Variants in ZDHHC3 observed in about 807,000 individuals in gnomAD.
The protein encoded by ZDHHC3 is zDHHC palmitoyltransferase 3.
A neutral mutation model predicts 30.6 loss-of-function variants in ZDHHC3; 9 were observed. That is an observed-to-expected ratio of 0.29 (90% CI 0.18 to 0.51). ZDHHC3 has a LOEUF of 0.51. Among genes scored for constraint, ZDHHC3 ranks in the 20% least tolerant of loss-of-function variants. ZDHHC3 has a pLI of 0.97. For synonymous variants in ZDHHC3, 136 were observed against 140.2 expected (o/e 0.97, Z 0.21); for missense variants, 246 against 384.2 (o/e 0.64, Z 3.01).
chr3:44,928,445 A>C (rs1701195195), intron 6 of ZDHHC3, among the ~76,000 whole-genome samples: 1 of 152,118 alleles, frequency 6.6e-6, no homozygotes, highest in Non-Finnish European at 1.5e-5. Context: ...AGAGCCCTAG[A>C]CCACTGGTGA....
At chr3:44,933,793 T>A (rs1701705105) in intron 4 of ZDHHC3, 95 bp downstream of exon 4, 17 of 1,165,772 alleles carry the variant, frequency 1.5e-5, no homozygotes, top group Non-Finnish European at 2.2e-5. Flanking sequence ...GGCAGTATTC[T>A]GAGCAAAGAA....
chr3:44,963,651 C>T (rs1704676070), intron 1 of ZDHHC3, among the ~76,000 whole-genome samples: 1 of 152,166 alleles, frequency 6.6e-6, no homozygotes, highest in Non-Finnish European at 1.5e-5. Context: ...TAGACCTCTG[C>T]CAAGGACCCA....
At chr3:44,956,802 G>A (rs1239167588) in intron 2 of ZDHHC3, among the ~76,000 whole-genome samples, 1 of 152,082 alleles carries the variant, frequency 6.6e-6, no homozygotes, top group Non-Finnish European at 1.5e-5. Flanking sequence ...AACCTCCATT[G>A]CAAGCACAAT....
At position 44,920,113 on chromosome 3, in the gene ZDHHC3, G is replaced by A; in HGVS notation, c.*6576C>T. 1.6e-6 allele frequency: 2 copies of A among 1,222,142 alleles called. No individual in the cohort carries two copies. The highest frequency in any genetic ancestry group is 2.8e-5 in the South Asian group (2 of 71,684). 75.7% of individuals were successfully genotyped at this position (1,222,142 alleles called of 1,614,324 possible). On this transcript the variant is annotated 3_prime_UTR_variant, in exon 7 of 7. Coordinates refer to ENST00000424952, the MANE Select transcript of ZDHHC3 (RefSeq NM_001135179.2). ...CTCACACAATCCAAGTTTTACCAAT[G>A]AGCCAATGTTACTTTTATAATCAGA...
rs553716633 is a variant in ZDHHC3, at chr3:44,920,370, G to A, written c.*6319C>T. On this transcript the variant is annotated 3_prime_UTR_variant, in exon 7 of 7. Transcript: ENST00000424952. Reference sequence around the variant, plus strand: ...GAAAGAGGCTTTAACTTCATAGCACGAGAGCTGGGACATCACCATATGGCA... The same window carrying A: ...GAAAGAGGCTTTAACTTCATAGCACAAGAGCTGGGACATCACCATATGGCA... The A allele has an allele frequency of 3.1e-5, 40 of 1,289,378 alleles. No homozygotes were observed. The Admixed American group carries it at 5.5e-4, about 18-fold the overall frequency. 79.9% of individuals were successfully genotyped at this position (1,289,378 alleles called of 1,614,324 possible). A position where few individuals can be genotyped will look rare whatever the true frequency, so the allele number is the denominator to read the frequency against.
intron 5 of ZDHHC3, among the ~76,000 whole-genome samples, chr3:44,930,046 A>C (rs1197126609): frequency 6.6e-6 from 1 of 152,174 alleles, no homozygotes; most frequent in Non-Finnish European, 1.5e-5. Flanking sequence ...CATTTGCAGC[A>C]CCGAGGCCAA....
Position 44,926,416 on chromosome 3 carries a change from G to A in ZDHHC3, c.*273C>T. 8.5e-7 allele frequency: 1 copy of A among 1,177,606 alleles called. No homozygotes were observed. The highest frequency in any genetic ancestry group is 1.0e-6 in the Non-Finnish European group (1 of 953,058). 72.9% of individuals were successfully genotyped at this position (1,177,606 alleles called of 1,614,324 possible). ...CCCTCTACATTAGTCATGCCAGACA[G>A]ACAGCAGAGAGAAACCAGAGGCCAG... On this transcript the variant is annotated 3_prime_UTR_variant, in exon 7 of 7. Transcript: ENST00000424952.
Position 44,925,053 on chromosome 3 carries a change from T to C in ZDHHC3, c.*1636A>G, listed in dbSNP as rs1383835868. 7 of 985,572 alleles carry C rather than the reference T, an allele frequency of 7.1e-6. No homozygotes were observed. Among genetic ancestry groups the C allele is most frequent in the African/African-American group, 1.7e-5 (1 of 57,170 alleles). The allele number at this position is 985,572 out of a possible 1,614,324, so 61.1% of individuals were successfully genotyped here. A position where few individuals can be genotyped will look rare whatever the true frequency, so the allele number is the denominator to read the frequency against. On this transcript the variant is annotated 3_prime_UTR_variant, in exon 7 of 7. Coordinates refer to ENST00000424952, the MANE Select transcript of ZDHHC3 (RefSeq NM_001135179.2). ...ATTTTAAAACAAAAAAAATAAAGTA[T>C]CCTCATTCAAGAGACAGAGCAATGA... is the stretch of plus-strand genomic sequence containing the variant.
chr3:44,929,271 A>C, intron 6 of ZDHHC3, 35 bp downstream of exon 6: 1 of 1,610,108 alleles, frequency 6.2e-7, no homozygotes. Context: ...CCCCATCCCC[A>C]GGTGTGGAAA....
intron 5 of ZDHHC3, 120 bp downstream of exon 5, chr3:44,932,998 G>T: frequency 6.2e-7 from 1 of 1,614,138 alleles, no homozygotes; most frequent in Non-Finnish European, 8.5e-7. Flanking sequence ...AGGCTTTCAG[G>T]AGATTTAATA....
chr3:44,939,426 G>C (rs1702252282), intron 3 of ZDHHC3, among the ~76,000 whole-genome samples: 1 of 152,316 alleles, frequency 6.6e-6, no homozygotes, highest in East Asian at 1.9e-4. Flanking sequence ...CAGGCACCAG[G>C]TGCCATGCTC....
intron 3 of ZDHHC3, among the ~76,000 whole-genome samples, chr3:44,936,345 G>T (rs1333864834): frequency 6.6e-6 from 1 of 152,136 alleles, no homozygotes; most frequent in Non-Finnish European, 1.5e-5. Flanking sequence ...CCATTAAAAA[G>T]TCAAAAAACA....
At chr3:44,951,610 C>G (rs1365632750) in intron 2 of ZDHHC3, among the ~76,000 whole-genome samples, 1 of 152,128 alleles carries the variant, frequency 6.6e-6, no homozygotes, top group Non-Finnish European at 1.5e-5. Flanking sequence ...GCCCTCAGGG[C>G]CCCCATACCA....
At chr3:44,944,610 C>T (rs1322011393) in intron 3 of ZDHHC3, among the ~76,000 whole-genome samples, 10 of 152,154 alleles carry the variant, frequency 6.6e-5, no homozygotes, top group Non-Finnish European at 1.5e-4. Context: ...AGCTAGATGT[C>T]TTCTCATCAG....
chr3:44,918,582 C>A lies in ZDHHC3; in HGVS notation c.*8107G>T. The A allele has an allele frequency of 1.0e-6, 1 of 985,434 alleles. No homozygotes were observed. The highest frequency in any genetic ancestry group is 1.2e-6 in the Non-Finnish European group (1 of 829,938). 61.0% of individuals were successfully genotyped at this position (985,434 alleles called of 1,614,324 possible). On this transcript the variant is annotated 3_prime_UTR_variant, in exon 7 of 7. Transcript: ENST00000424952. ...CCACTCCCACCAGGGTAGATAGGGGCTGCAAACACAGCAGAAGGACGATGG... is the reference window on the plus strand; with the variant it reads ...CCACTCCCACCAGGGTAGATAGGGGATGCAAACACAGCAGAAGGACGATGG...
chr3:44,933,269 G>A (rs1701660259), intron 4 of ZDHHC3, 70 bp from the exon 5 acceptor site: 3 of 1,478,424 alleles, frequency 2.0e-6, no homozygotes, highest in Non-Finnish European at 2.8e-6. Context: ...CCCGGGACAG[G>A]GGCACTCAGA....
chr3:44,932,863 CACG>C (rs1445421099), intron 5 of ZDHHC3: 3 of 1,596,850 alleles, frequency 1.9e-6, no homozygotes, highest in Non-Finnish European at 2.6e-6. Context: ...TCTCCCTGGG[CACG>C]CTCAGTCCAG....
chr3:44,947,173 T>C (rs1294914326), intron 2 of ZDHHC3, among the ~76,000 whole-genome samples: 1 of 152,188 alleles, frequency 6.6e-6, no homozygotes, highest in Non-Finnish European at 1.5e-5. Flanking sequence ...GGTTTCCATT[T>C]TTAGCAGCTG....
chr3:44,958,333 CA>C (rs1238206580), intron 2 of ZDHHC3, among the ~76,000 whole-genome samples: 2 of 152,186 alleles, frequency 1.3e-5, no homozygotes, highest in African/African-American at 2.4e-5. Context: ...CTCACAGAAA[CA>C]AAATCTGTAT....
Sources: allele counts gnomAD v4.1 joint callset (sites outside exome capture counted in the v4.1 genomes callset), GRCh38; gene constraint gnomAD v4.1.1; transcripts MANE v1.5; gene names NCBI Gene and HGNC (gene_info 2026-07-23, HGNC 2026-07-21).